Variants in CDKAL1 observed in about 807,000 individuals in gnomAD.
The protein encoded by CDKAL1 is CDKAL1 threonylcarbamoyladenosine tRNA methylthiotransferase.
CDKAL1 carries 32 observed loss-of-function variants against 68.2 expected under a neutral mutation model. That is an observed-to-expected ratio of 0.47 (90% confidence interval 0.35 to 0.63). The LOEUF is 0.63. CDKAL1 is among the 30% of genes least tolerant of loss of function. CDKAL1 has a pLI of 0.00. For missense variants in CDKAL1, 606 were observed against 696.7 expected (o/e 0.87, Z 1.47); for synonymous variants, 234 against 244.3 (o/e 0.96, Z 0.39).
At chr6:21,194,847 A>G (rs760955951) in intron 13 of CDKAL1, among the ~76,000 whole-genome samples, 5 of 152,110 alleles carry the variant, frequency 3.3e-5, no homozygotes, top group Non-Finnish European at 7.3e-5. Context: ...CTTTAATATT[A>G]TTTGGAATAG....
At chr6:20,752,685 G>A (rs1581509951) in intron 6 of CDKAL1, among the ~76,000 whole-genome samples, 1 of 152,180 alleles carries the variant, frequency 6.6e-6, no homozygotes, top group East Asian at 1.9e-4. Context: ...TTATGAAAGT[G>A]AGTTGCAACC....
intron 9 of CDKAL1, among the ~76,000 whole-genome samples, chr6:20,944,767 T>C (rs1298950305): frequency 6.6e-6 from 1 of 152,230 alleles, no homozygotes; most frequent in East Asian, 1.9e-4. Flanking sequence ...ATAATTTTGG[T>C]CAAGTTATAG....
intron 5 of CDKAL1, among the ~76,000 whole-genome samples, chr6:20,673,352 A>G (rs768379260): frequency 3.3e-5 from 5 of 152,232 alleles, no homozygotes; most frequent in Non-Finnish European, 7.3e-5. Flanking sequence ...TAACCTATGC[A>G]TATTCTCCTG....
At chr6:21,211,415 C>T (rs1779143249) in intron 15 of CDKAL1, among the ~76,000 whole-genome samples, 1 of 152,186 alleles carries the variant, frequency 6.6e-6, no homozygotes, top group Non-Finnish European at 1.5e-5. Context: ...AATCTCAGGG[C>T]TAACATAACA....
At chr6:20,882,736 G>C (rs1003747882) in intron 9 of CDKAL1, among the ~76,000 whole-genome samples, 1 of 152,122 alleles carries the variant, frequency 6.6e-6, no homozygotes, top group East Asian at 1.9e-4. Flanking sequence ...TATGAATAAA[G>C]CCACTATAAA....
At chr6:20,962,830 C>T (rs1368466341) in intron 10 of CDKAL1, among the ~76,000 whole-genome samples, 1 of 152,116 alleles carries the variant, frequency 6.6e-6, no homozygotes, top group Non-Finnish European at 1.5e-5. Context: ...TTATTTCAAC[C>T]ATCCACCTGT....
chr6:20,739,152 A>G (rs1487258997), intron 5 of CDKAL1, among the ~76,000 whole-genome samples: 1 of 152,168 alleles, frequency 6.6e-6, no homozygotes, highest in Non-Finnish European at 1.5e-5. Flanking sequence ...TTTTAGGCAT[A>G]TTTTCATTAA....
At position 21,161,387 on chromosome 6, in the gene CDKAL1, A is replaced by G. The variant is rs542350559; in HGVS notation, c.1300-36634A>G. On this transcript the variant is annotated intron_variant, in intron 13 of 15. Transcript: ENST00000274695. ...AAAAAATTATTTATGCTATAGAAAA[A>G]CAATATTGAATGGTAGTTCCTTTGT... is the stretch of plus-strand genomic sequence containing the variant. Among the ~76,000 whole-genome samples the G allele has an allele frequency of 8.8e-4, 134 of 152,324 alleles. 1 individual carries two copies. The highest frequency in any genetic ancestry group is 3.1e-3 in the African/African-American group (127 of 41,568).
intron 12 of CDKAL1, among the ~76,000 whole-genome samples, chr6:21,102,351 C>A (rs906233585): frequency 2.0e-5 from 3 of 152,144 alleles, no homozygotes; most frequent in African/African-American, 4.8e-5. Flanking sequence ...CATTTTGGAA[C>A]CCACCCCCGC....
intron 5 of CDKAL1, among the ~76,000 whole-genome samples, chr6:20,687,890 T>A (rs10440833): frequency 0.26 from 39,409 of 151,942 alleles, 5,305 homozygotes; most frequent in East Asian, 0.38. Context: ...TTTTTTTTTT[T>A]AATTTCTTGC....
chr6:20,749,783 G>A (rs760366357), intron 6 of CDKAL1, among the ~76,000 whole-genome samples: 8 of 151,960 alleles, frequency 5.3e-5, no homozygotes, highest in Non-Finnish European at 1.2e-4. Flanking sequence ...TTCTGACCTC[G>A]TGATCTGCCC....
At chr6:20,844,169 C>T (rs1208873447) in intron 8 of CDKAL1, among the ~76,000 whole-genome samples, 1 of 152,142 alleles carries the variant, frequency 6.6e-6, no homozygotes, top group Non-Finnish European at 1.5e-5. Context: ...ACTGGATGGA[C>T]AAGAAGCCTG....
At chr6:20,926,488 G>A (rs559387410) in intron 9 of CDKAL1, among the ~76,000 whole-genome samples, 1 of 152,150 alleles carries the variant, frequency 6.6e-6, no homozygotes, top group South Asian at 2.1e-4. Context: ...GAGTTACAAG[G>A]AGAAGAGGCA....
chr6:21,000,154 TG>T, intron 10 of CDKAL1, 72 bp from the exon 11 acceptor site: 1 of 1,164,060 alleles, frequency 8.6e-7, no homozygotes, highest in Non-Finnish European at 1.3e-6. Context: ...CTTGCGCTTG[TG>T]GTGTTGATGT....
At chr6:20,726,492 A>G (rs1480870341) in intron 5 of CDKAL1, among the ~76,000 whole-genome samples, 8 of 152,170 alleles carry the variant, frequency 5.3e-5, no homozygotes, top group Admixed American at 5.2e-4. Context: ...CGCATTATAA[A>G]CTTCTTTAAA....
chr6:21,093,894 C>CTTTTTT (rs33945169), intron 12 of CDKAL1, among the ~76,000 whole-genome samples: 1 of 111,062 alleles, frequency 9.0e-6, no homozygotes, highest in Admixed American at 1.0e-4. Context: ...CCACACCTGG[C>CTTTTTT]TTTTTTTTTT....
intron 4 of CDKAL1, among the ~76,000 whole-genome samples, chr6:20,614,546 G>A (rs1766796736): frequency 1.3e-5 from 2 of 152,100 alleles, no homozygotes; most frequent in African/African-American, 4.8e-5. Context: ...ATATTTAAGA[G>A]TTATGTTTGT....
chr6:20,684,764 C>G lies in CDKAL1; in HGVS notation c.371+35387C>G, dbSNP rs184528716. Reference sequence around the variant, plus strand: ...GCTTTAATTTGCATTTTCCTGATGACATATGATGTGGAGCATATTTTTATA... The same window carrying G: ...GCTTTAATTTGCATTTTCCTGATGAGATATGATGTGGAGCATATTTTTATA... On this transcript the variant is annotated intron_variant, in intron 5 of 15. Transcript: ENST00000274695. Among the ~76,000 whole-genome samples, 258 of 152,266 alleles carry G rather than the reference C, an allele frequency of 1.7e-3. 1 individual carries two copies. Among genetic ancestry groups the G allele is most frequent in the African/African-American group, 6.0e-3 (251 of 41,554 alleles).
At chr6:21,025,083 C>T (rs766483441) in intron 11 of CDKAL1, among the ~76,000 whole-genome samples, 1 of 152,202 alleles carries the variant, frequency 6.6e-6, no homozygotes, top group Non-Finnish European at 1.5e-5. Context: ...GACAGATCCA[C>T]AGGCTTTAAA....
Sources: gnomAD v4.1 joint callset for allele counts (sites outside exome capture counted in the v4.1 genomes callset) on GRCh38, gnomAD v4.1.1 for gene constraint, MANE v1.5 for transcripts, NCBI Gene and HGNC (gene_info 2026-07-23, HGNC 2026-07-21) for gene names.